The following ASTN2 variants were observed in gnomAD, a reference collection of about 807,000 sequenced individuals.
ASTN2 encodes the protein astrotactin 2.
ASTN2 carries 54 observed loss-of-function variants against 139.8 expected under a neutral mutation model. The ratio of observed to expected loss-of-function variants is 0.39; its 90% confidence interval spans 0.31 to 0.48. The LOEUF (loss-of-function observed/expected upper bound fraction) is 0.48, where lower values mean the gene tolerates loss of function less well. Among genes scored for constraint, ASTN2 ranks in the 20% least tolerant of loss-of-function variants. ASTN2 has a pLI of 0.95. For missense variants in ASTN2, 1,565 were observed against 1,725.1 expected (o/e 0.91, Z 1.64); for synonymous variants, 756 against 719.5 (o/e 1.05, Z -0.81).
intron 2 of ASTN2, among the ~76,000 whole-genome samples, chr9:117,222,943 A>G (rs567499882): frequency 2.0e-5 from 3 of 152,302 alleles, no homozygotes; most frequent in East Asian, 1.9e-4. Flanking sequence ...TAGAAAACAT[A>G]TATGATAAGA....
chr9:116,698,349 C>G lies in ASTN2; in HGVS notation c.2806+27422G>C, dbSNP rs376007099. On this transcript the variant is annotated intron_variant, in intron 16 of 22. Transcript: ENST00000313400. The surrounding 1 kb of genome is among the most constrained non-coding windows in gnomAD (Gnocchi z 4.4). ...GGTCCAGGATGAGCTGGCTCGCTCTCGGAAGTTCTTCACAGGCTCTTTGGC... is the reference window on the plus strand; with the variant it reads ...GGTCCAGGATGAGCTGGCTCGCTCTGGGAAGTTCTTCACAGGCTCTTTGGC... 1 of 1,613,988 alleles carries G rather than the reference C, an allele frequency of 6.2e-7. No homozygotes were observed. Among genetic ancestry groups the G allele is most frequent in the Non-Finnish European group, 8.5e-7 (1 of 1,180,034 alleles).
intron 11 of ASTN2, among the ~76,000 whole-genome samples, chr9:116,823,306 C>G (rs1247904949): frequency 6.6e-6 from 1 of 152,202 alleles, no homozygotes; most frequent in Non-Finnish European, 1.5e-5. Flanking sequence ...TCAGGCTTCC[C>G]AACTTTGTTG....
At chr9:116,914,010 A>G (rs1834380188) in intron 10 of ASTN2, among the ~76,000 whole-genome samples, 1 of 148,286 alleles carries the variant, frequency 6.7e-6, no homozygotes. Context: ...TAAGGAGTGG[A>G]GTAGGCATTC....
chr9:116,484,734 C>A (rs1849285062), intron 20 of ASTN2, among the ~76,000 whole-genome samples: 1 of 152,088 alleles, frequency 6.6e-6, no homozygotes, highest in African/African-American at 2.4e-5. Flanking sequence ...AAGCTCCTGA[C>A]AAGCACATTT....
rs57370500 is a variant in ASTN2 at position 117,173,674 on chromosome 9, C to T, written c.1016-32196G>A. 1.3e-4 allele frequency among the ~76,000 whole-genome samples: 20 copies of T among 152,034 alleles called. No homozygotes were observed. The South Asian group carries it at 1.7e-3, about 13-fold the overall frequency. ...AAAAAATAGAATTAAACAACATGCA[C>T]GCTACATAGCAAAACTTGAGGTCTA... On this transcript the variant is annotated intron_variant, in intron 3 of 22. Coordinates refer to ENST00000313400, the MANE Select transcript of ASTN2 (RefSeq NM_001365068.1).
intron 5 of ASTN2, among the ~76,000 whole-genome samples, chr9:117,046,016 G>A (rs1446860662): frequency 5.9e-5 from 9 of 151,466 alleles, no homozygotes; most frequent in Non-Finnish European, 1.0e-4. Flanking sequence ...ATGTATGTAT[G>A]TATGTATGTA....
chr9:116,627,865 C>A (rs1856544160), intron 17 of ASTN2, among the ~76,000 whole-genome samples: 1 of 152,130 alleles, frequency 6.6e-6, no homozygotes, highest in Non-Finnish European at 1.5e-5. Flanking sequence ...CCTCACAATA[C>A]CCTAGGTACT....
chr9:116,505,669 A>G (rs1184167518), intron 19 of ASTN2, among the ~76,000 whole-genome samples: 1 of 152,172 alleles, frequency 6.6e-6, no homozygotes, highest in African/African-American at 2.4e-5. Flanking sequence ...GGTCGGGGGC[A>G]CTCATGTTGC....
intron 16 of ASTN2, among the ~76,000 whole-genome samples, chr9:116,719,865 C>A (rs1735594056): frequency 6.6e-6 from 1 of 152,052 alleles, no homozygotes; most frequent in South Asian, 2.1e-4. Flanking sequence ...AGGAAGCAGA[C>A]AACTTTGTCA....
At chr9:117,082,266 G>A (rs1828448157) in intron 5 of ASTN2, among the ~76,000 whole-genome samples, 1 of 152,140 alleles carries the variant, frequency 6.6e-6, no homozygotes, top group South Asian at 2.1e-4. Context: ...GCCTGGCTGT[G>A]TGATTCTCCC....
At chr9:116,930,849 C>A (rs1029546889) in intron 10 of ASTN2, among the ~76,000 whole-genome samples, 1 of 152,132 alleles carries the variant, frequency 6.6e-6, no homozygotes, top group Non-Finnish European at 1.5e-5. Flanking sequence ...TTCCCCCGCC[C>A]CTCCATTAGA....
In ASTN2 at chr9:116,684,012, C is replaced by T. The variant is rs534486104; in HGVS notation, c.2807-32219G>A. ...TGTACAAGGTTCTGTCATACAGTCC[C>T]TGTACAAGGTTCCTGACCTGTGGTA... On this transcript the variant is annotated intron_variant, in intron 16 of 22. Transcript: ENST00000313400. 9.9e-4 allele frequency among the ~76,000 whole-genome samples: 150 copies of T among 152,268 alleles called. 2 individuals are homozygous for T. Among genetic ancestry groups the T allele is most frequent in the South Asian group, 3.5e-3 (17 of 4,812 alleles).
chr9:116,725,196 A>T (rs7046175), intron 16 of ASTN2, among the ~76,000 whole-genome samples: 110,079 of 152,034 alleles, frequency 0.72, 40,120 homozygotes, highest in South Asian at 0.81. Context: ...ACTGGTCTCC[A>T]GCACCTGGTC....
chr9:116,674,509 T>C (rs1329930947), intron 16 of ASTN2, among the ~76,000 whole-genome samples: 2 of 152,186 alleles, frequency 1.3e-5, no homozygotes, highest in Admixed American at 1.3e-4. Context: ...AAAGGTTGGT[T>C]TTAGGACAAT....
chr9:116,463,281 G>GT (rs1272415567), intron 20 of ASTN2, among the ~76,000 whole-genome samples: 1 of 152,006 alleles, frequency 6.6e-6, no homozygotes, highest in Non-Finnish European at 1.5e-5. Flanking sequence ...TTCTCCAAGG[G>GT]TCTTTTTCTG....
At chr9:117,245,915 C>T (rs10983579) in intron 2 of ASTN2, among the ~76,000 whole-genome samples, 19,169 of 152,054 alleles carry the variant, frequency 0.13, 1,822 homozygotes, top group African/African-American at 0.26. Flanking sequence ...TACATAGAAT[C>T]CTGTGTTTCA....
chr9:116,575,567 A>G (rs138613661), intron 19 of ASTN2, among the ~76,000 whole-genome samples: 3 of 152,274 alleles, frequency 2.0e-5, no homozygotes, highest in East Asian at 3.9e-4. Flanking sequence ...CAATCAATGT[A>G]TCTTTGTTAT....
chr9:116,706,840 G>A (rs1828000588), intron 16 of ASTN2, among the ~76,000 whole-genome samples: 1 of 141,616 alleles, frequency 7.1e-6, no homozygotes. Flanking sequence ...TGCGTTCACT[G>A]AGCCTTACCA....
intron 10 of ASTN2, among the ~76,000 whole-genome samples, chr9:116,928,230 C>T (rs2132446926): frequency 6.6e-6 from 1 of 152,258 alleles, no homozygotes; most frequent in East Asian, 1.9e-4. Context: ...CTATTTTACA[C>T]ATGAAAAAAC....
Sources: gnomAD v4.1 joint callset for allele counts (sites outside exome capture counted in the v4.1 genomes callset) on GRCh38, gnomAD v4.1.1 for gene constraint, Gnocchi (gnomAD v3.1) non-coding constraint, MANE v1.5 for transcripts, NCBI Gene and HGNC (gene_info 2026-07-23, HGNC 2026-07-21) for gene names.